Variants in PSPH observed in about 807,000 individuals in gnomAD.
The protein encoded by PSPH is phosphoserine phosphatase.
A neutral mutation model predicts 23.4 loss-of-function variants in PSPH; 16 were observed. That is an observed-to-expected ratio of 0.68 (90% confidence interval 0.46 to 1.04). The LOEUF is 1.04. Ranked by LOEUF, PSPH falls within the 50% of genes least tolerant of loss-of-function variation. PSPH has a pLI of 0.00. For synonymous variants in PSPH, 68 were observed against 99.7 expected (o/e 0.68, Z 1.89); for missense variants, 223 against 273.7 (o/e 0.81, Z 1.31).
intron 1 of PSPH, among the ~76,000 whole-genome samples, chr7:56,046,134 A>T (rs1793212207): frequency 6.6e-6 from 1 of 151,690 alleles, no homozygotes. Flanking sequence ...ATTGGTTTTT[A>T]TTATTTATTT....
chr7:56,038,810 C>T (rs1792081589), intron 1 of PSPH, among the ~76,000 whole-genome samples: 1 of 151,684 alleles, frequency 6.6e-6, no homozygotes, highest in African/African-American at 2.4e-5. Flanking sequence ...CACTGCACTC[C>T]AGCCTGGGTG....
At chr7:56,028,768 C>T (rs1280417838) in intron 3 of PSPH, among the ~76,000 whole-genome samples, 2 of 151,990 alleles carry the variant, frequency 1.3e-5, no homozygotes, top group African/African-American at 4.8e-5. Flanking sequence ...CCATCCTGCT[C>T]TGCAAAATGG....
rs758582546 is a variant in PSPH at position 56,011,892 on chromosome 7, G to A, written c.571-23C>T. Reference sequence around the variant, plus strand: ...ATCCTAAGAAGGAAGAAAAGAGAGAGAAATGATTTTTATTTTTATTTATTT... The same window carrying A: ...ATCCTAAGAAGGAAGAAAAGAGAGAAAAATGATTTTTATTTTTATTTATTT... On this transcript the variant is annotated intron_variant, in intron 7 of 7. Transcript: ENST00000275605. The A allele has an allele frequency of 2.0e-5, 31 of 1,550,860 alleles. No homozygotes were observed. The South Asian group carries it at 3.0e-4, about 15-fold the overall frequency.
intron 1 of PSPH, among the ~76,000 whole-genome samples, chr7:56,044,452 T>A (rs1385362761): frequency 1.4e-4 from 21 of 151,680 alleles, no homozygotes; most frequent in Admixed American, 1.4e-3. Context: ...AATAGAAAAA[T>A]TAGGAGGACA....
chr7:56,014,626 A>C (rs1023563025), intron 7 of PSPH, among the ~76,000 whole-genome samples: 1 of 151,978 alleles, frequency 6.6e-6, no homozygotes, highest in Admixed American at 6.6e-5. Flanking sequence ...AAGTGTTGGG[A>C]ATATAGGATG....
chr7:56,045,168 C>T (rs1784751827), intron 1 of PSPH, among the ~76,000 whole-genome samples: 1 of 151,888 alleles, frequency 6.6e-6, no homozygotes, highest in African/African-American at 2.4e-5. Context: ...AAAGTTCTTC[C>T]TTACAGCAGA....
In PSPH at chr7:56,051,164, G is replaced by A. The variant is rs901897609; in HGVS notation, c.-318C>T. 3 of 152,256 alleles carry A rather than the reference G, an allele frequency of 2.0e-5. No homozygotes were observed. Among genetic ancestry groups the A allele is most frequent in the African/African-American group, 4.8e-5 (2 of 41,460 alleles). The allele number at this position is 152,256 out of a possible 1,614,324, so 9.4% of individuals were successfully genotyped here. A position where few individuals can be genotyped will look rare whatever the true frequency, so the allele number is the denominator to read the frequency against. On this transcript the variant is annotated 5_prime_UTR_variant, in exon 1 of 8. Transcript: ENST00000275605. ...TTAAAAGGGAGTCCGCTCAAAGGCA[G>A]GAATGACTCTACAAGGGTGAATTTT...
intron 1 of PSPH, among the ~76,000 whole-genome samples, chr7:56,035,774 C>T (rs1434338002): frequency 6.6e-6 from 1 of 151,970 alleles, no homozygotes; most frequent in African/African-American, 2.4e-5. Flanking sequence ...CGCACACTAC[C>T]GTGCCCAGCT....
chr7:56,044,536 T>C (rs1009758494), intron 1 of PSPH, among the ~76,000 whole-genome samples: 1 of 152,154 alleles, frequency 6.6e-6, no homozygotes, highest in Non-Finnish European at 1.5e-5. Flanking sequence ...AGTTAAAAGA[T>C]TATTTAAATC....
At chr7:56,032,841 A>T (rs1791207568) in intron 2 of PSPH, among the ~76,000 whole-genome samples, 1 of 151,936 alleles carries the variant, frequency 6.6e-6, no homozygotes, top group African/African-American at 2.4e-5. Context: ...AGTCCCAGCT[A>T]CTTGGGAGGC....
chr7:56,040,378 C>CATTT (rs34102509), intron 1 of PSPH, among the ~76,000 whole-genome samples: 100,771 of 151,024 alleles, frequency 0.67, 33,838 homozygotes, highest in Non-Finnish European at 0.7. Flanking sequence ...AAACATTATT[C>CATTT]ATTTATTTAC....
intron 3 of PSPH, among the ~76,000 whole-genome samples, chr7:56,023,198 G>C: frequency 6.6e-6 from 1 of 152,070 alleles, no homozygotes; most frequent in South Asian, 2.1e-4. Flanking sequence ...AAATGGTGAA[G>C]GTACAGGAAG....
intron 4 of PSPH, among the ~76,000 whole-genome samples, 196 bp downstream of exon 4, chr7:56,020,877 C>T (rs1235930073): frequency 6.6e-6 from 1 of 152,152 alleles, no homozygotes; most frequent in Non-Finnish European, 1.5e-5. Context: ...CCCGATCAAG[C>T]TAAGAACATG....
chr7:56,036,233 AC>A (rs1460874908), intron 1 of PSPH, among the ~76,000 whole-genome samples: 1 of 152,016 alleles, frequency 6.6e-6, no homozygotes, highest in East Asian at 2.0e-4. Flanking sequence ...TCTCAAAAAA[AC>A]CCACAAATAA....
intron 1 of PSPH, among the ~76,000 whole-genome samples, chr7:56,048,563 C>T (rs1284001882): frequency 6.6e-6 from 1 of 152,042 alleles, no homozygotes; most frequent in Non-Finnish European, 1.5e-5. Context: ...TTTCTTATTC[C>T]TGGGTTAAAT....
At chr7:56,033,483 A>C (rs1403854471) in intron 2 of PSPH, 2 of 151,010 alleles carry the variant, frequency 1.3e-5, no homozygotes, top group Admixed American at 6.6e-5. Context: ...GGGCGACAGA[A>C]CGAGACTCTG....
At chr7:56,016,050 A>G (rs1436902945) in intron 6 of PSPH, among the ~76,000 whole-genome samples, 1 of 152,030 alleles carries the variant, frequency 6.6e-6, no homozygotes, top group African/African-American at 2.4e-5. Flanking sequence ...TTTTACAGTA[A>G]TTACCACACT....
intron 3 of PSPH, among the ~76,000 whole-genome samples, chr7:56,030,694 T>G (rs1790857854): frequency 7.1e-6 from 1 of 140,720 alleles, no homozygotes; most frequent in African/African-American, 2.7e-5. Flanking sequence ...AGATCAAGAG[T>G]TCAAGACCAG....
chr7:56,017,465 T>C (rs1425707517), intron 5 of PSPH, 86 bp from the exon 6 acceptor site: 2 of 1,545,440 alleles, frequency 1.3e-6, no homozygotes, highest in Non-Finnish European at 1.7e-6. Context: ...GGAAATAAGA[T>C]ACATTTTCTT....
Sources: gnomAD v4.1 joint callset for allele counts (sites outside exome capture counted in the v4.1 genomes callset) on GRCh38, gnomAD v4.1.1 for gene constraint, MANE v1.5 for transcripts, NCBI Gene and HGNC (gene_info 2026-07-23, HGNC 2026-07-21) for gene names.